The following INSL6 variants were observed in gnomAD, a reference collection of about 807,000 sequenced individuals.
The protein encoded by INSL6 is insulin-like peptide INSL6.
INSL6 carries 16 observed loss-of-function variants against 9.4 expected under a neutral mutation model. The ratio of observed to expected loss-of-function variants is 1.70; its 90% CI spans 1.15 to 2.59. The LOEUF (loss-of-function observed/expected upper bound fraction) is 2.59, where lower values mean the gene tolerates loss of function less well. Ranked by LOEUF, INSL6 falls within the 30% of genes most tolerant of loss-of-function variation. INSL6 has a pLI of 0.00. For missense variants in INSL6, 391 were observed against 257.3 expected, an observed-to-expected ratio of 1.52 and a Z score of -3.56; for synonymous variants, 154 against 96.9, an observed-to-expected ratio of 1.59 and a Z score of -3.46.
intron 1 of INSL6, among the ~76,000 whole-genome samples, chr9:5,171,399 G>A (rs1207571052): frequency 1.3e-5 from 2 of 152,134 alleles, no homozygotes; most frequent in Non-Finnish European, 2.9e-5. Context: ...GGTAAAGCTG[G>A]ATTCATTCCC....
At chr9:5,108,324 C>G in the INSL6 span, 1 of 152,004 alleles carries the variant, frequency 6.6e-6, no homozygotes, top group Non-Finnish European at 1.5e-5. Flanking sequence ...TATTATCACC[C>G]GCTGAGGGAA....
the INSL6 span, chr9:5,090,580 A>T: frequency 6.4e-7 from 1 of 1,559,780 alleles, no homozygotes; most frequent in East Asian, 2.3e-5. Context: ...GGTAACTAAT[A>T]TCCTGATTAT....
At chr9:5,039,167 C>G in the INSL6 span, among the ~76,000 whole-genome samples, 1 of 151,674 alleles carries the variant, frequency 6.6e-6, no homozygotes, top group Non-Finnish European at 1.5e-5. Flanking sequence ...GGAAATTAGG[C>G]AAGAAAAAGA....
At chr9:5,034,306 C>A in the INSL6 span, among the ~76,000 whole-genome samples, 1 of 151,988 alleles carries the variant, frequency 6.6e-6, no homozygotes, top group Non-Finnish European at 1.5e-5. Flanking sequence ...ACTTTAACAC[C>A]CCACTGTCAA....
chr9:5,170,375 C>T (rs546467405), intron 1 of INSL6, among the ~76,000 whole-genome samples: 2 of 152,124 alleles, frequency 1.3e-5, no homozygotes, highest in South Asian at 2.1e-4. Flanking sequence ...AACTTTATAG[C>T]GCTAAATGCC....
the INSL6 span, among the ~76,000 whole-genome samples, chr9:5,118,535 T>G: frequency 4.6e-5 from 7 of 152,218 alleles, no homozygotes; most frequent in African/African-American, 1.7e-4. Flanking sequence ...TTTAAAAATT[T>G]TATTGGTGAA....
the INSL6 span, among the ~76,000 whole-genome samples, chr9:5,018,411 C>A: frequency 6.6e-6 from 1 of 152,176 alleles, no homozygotes; most frequent in Non-Finnish European, 1.5e-5. Context: ...TCATGGCTCA[C>A]TGCAGCCTCG....
chr9:5,022,378 A>T, the INSL6 span, among the ~76,000 whole-genome samples: 5 of 152,148 alleles, frequency 3.3e-5, no homozygotes, highest in Non-Finnish European at 7.4e-5. Flanking sequence ...ACTGGAGTAC[A>T]ATTTATGGTG....
At chr9:5,178,422 T>C (rs1056515003) in intron 1 of INSL6, among the ~76,000 whole-genome samples, 1 of 152,234 alleles carries the variant, frequency 6.6e-6, no homozygotes, top group African/African-American at 2.4e-5. Context: ...GTGGCCAGAC[T>C]GCTTCTTTAA....
the INSL6 span, among the ~76,000 whole-genome samples, chr9:5,103,293 T>G: frequency 3.1e-5 from 4 of 127,374 alleles, no homozygotes; most frequent in African/African-American, 1.4e-4. Flanking sequence ...AAAAAAGACT[T>G]TAAGCCAACA....
chr9:5,143,520 G>T (rs1824542920), intron 2 of INSL6, among the ~76,000 whole-genome samples: 1 of 151,702 alleles, frequency 6.6e-6, no homozygotes, highest in African/African-American at 2.4e-5. Context: ...ATTTCTGTGG[G>T]GTCAGTGGTA....
chr9:5,070,465 A>G, the INSL6 span, among the ~76,000 whole-genome samples: 2 of 152,190 alleles, frequency 1.3e-5, no homozygotes, highest in Non-Finnish European at 2.9e-5. Context: ...ATGGATACCA[A>G]AATCTGAGGA....
chr9:5,002,444 T>A, the INSL6 span, among the ~76,000 whole-genome samples: 1 of 151,992 alleles, frequency 6.6e-6, no homozygotes, highest in Non-Finnish European at 1.5e-5. Context: ...ATTTTCTAGA[T>A]AGTTTTTTGA....
the INSL6 span, chr9:5,077,633 T>C: frequency 8.8e-7 from 1 of 1,142,360 alleles, no homozygotes; most frequent in Non-Finnish European, 1.2e-6. Flanking sequence ...TATAAAACAA[T>C]ATACAAATTA....
the INSL6 span, among the ~76,000 whole-genome samples, chr9:5,005,083 A>ATTTTTT: frequency 2.0e-4 from 8 of 40,034 alleles, no homozygotes; most frequent in South Asian, 1.0e-3. Context: ...TGCCTGGCTA[A>ATTTTTT]TTTTTTTTTT....
intron 2 of INSL6, among the ~76,000 whole-genome samples, chr9:5,138,803 T>C (rs1358407017): frequency 6.6e-6 from 1 of 152,190 alleles, no homozygotes; most frequent in African/African-American, 2.4e-5. Flanking sequence ...TTACAATCTC[T>C]AGAATTTAAA....
At chr9:5,002,197 C>G in the INSL6 span, among the ~76,000 whole-genome samples, 1 of 151,430 alleles carries the variant, frequency 6.6e-6, no homozygotes, top group African/African-American at 2.4e-5. Flanking sequence ...TCTTTCTTCA[C>G]TCTCTGGTTT....
the INSL6 span, chr9:5,110,782 G>A: frequency 4.2e-5 from 17 of 401,032 alleles, no homozygotes; most frequent in Middle Eastern, 8.4e-4. Context: ...AGTGGTAAGG[G>A]CCCGGGCCAC....
At chr9:5,054,296 T>G in the INSL6 span, among the ~76,000 whole-genome samples, 7 of 152,046 alleles carry the variant, frequency 4.6e-5, no homozygotes, top group Admixed American at 3.3e-4. The surrounding 1 kb of genome is among the most constrained non-coding windows in gnomAD (Gnocchi z 4.9). Flanking sequence ...AGACTGAGGA[T>G]TCATTTCATT....
Sources: gnomAD v4.1 joint callset for allele counts (sites outside exome capture counted in the v4.1 genomes callset) on GRCh38, gnomAD v4.1.1 for gene constraint, Gnocchi (gnomAD v3.1) non-coding constraint, MANE v1.5 for transcripts, NCBI Gene and HGNC (gene_info 2026-07-23, HGNC 2026-07-21) for gene names.